The following PCDH11X variants were observed in gnomAD, a reference collection of about 807,000 sequenced individuals.
PCDH11X encodes the protein protocadherin-11 X-linked.
A neutral mutation model predicts 53.3 loss-of-function variants in PCDH11X; 18 were observed. The ratio of observed to expected loss-of-function variants is 0.34; its 90% CI spans 0.23 to 0.50. The LOEUF is 0.50. PCDH11X is among the 20% of genes least tolerant of loss of function. The pLI is 0.98. For missense variants in PCDH11X, 570 were observed against 1,032.4 expected, an observed-to-expected ratio of 0.55 and a Z score of 6.14; for synonymous variants, 279 against 393.3, an observed-to-expected ratio of 0.71 and a Z score of 3.44.
intron 10 of PCDH11X, among the ~76,000 whole-genome samples, chrX:92,493,815 T>G (rs1326306682): frequency 9.4e-6 from 1 of 105,892 alleles, no homozygotes; most frequent in East Asian, 3.0e-4. Context: ...CCAGGCTAAT[T>G]TTTTGTATTT....
intron 8 of PCDH11X, among the ~76,000 whole-genome samples, chrX:92,266,154 A>G (rs2067825606): frequency 8.9e-6 from 1 of 111,828 alleles, no homozygotes; most frequent in African/African-American, 3.2e-5. Context: ...ATAAACTTTA[A>G]ATATATTAAG....
chrX:92,534,805 G>A (rs1396251659), intron 10 of PCDH11X, among the ~76,000 whole-genome samples: 1 of 111,325 alleles, frequency 9.0e-6, no homozygotes, highest in Non-Finnish European at 1.9e-5. Context: ...GCCAAACTAA[G>A]CTTCATAAGT....
At chrX:92,014,615 G>A (rs922683467) in intron 6 of PCDH11X, among the ~76,000 whole-genome samples, 2 of 110,925 alleles carry the variant, frequency 1.8e-5, no homozygotes, top group African/African-American at 6.6e-5. Context: ...ATTCACAATA[G>A]CAAAGACTTG....
intron 6 of PCDH11X, among the ~76,000 whole-genome samples, chrX:92,091,240 T>C (rs1168447938): frequency 1.8e-5 from 2 of 111,028 alleles, no homozygotes; most frequent in Non-Finnish European, 3.8e-5. Context: ...ACTATTACTT[T>C]TGAACCAACC....
At chrX:92,011,606 C>T in intron 6 of PCDH11X, among the ~76,000 whole-genome samples, 2 of 111,203 alleles carry the variant, frequency 1.8e-5, no homozygotes, top group East Asian at 5.7e-4. Flanking sequence ...TGTTTATGGC[C>T]TTGAACGATT....
At chrX:92,271,048 TTAAGA>T (rs1420131425) in intron 8 of PCDH11X, among the ~76,000 whole-genome samples, 1 of 111,651 alleles carries the variant, frequency 9.0e-6, no homozygotes, top group African/African-American at 3.3e-5. Context: ...AAAGGTGCAG[TTAAGA>T]TAAGATAGCC....
At chrX:92,003,266 T>C (rs1417354985) in intron 6 of PCDH11X, among the ~76,000 whole-genome samples, 1 of 101,575 alleles carries the variant, frequency 9.8e-6, no homozygotes, top group Non-Finnish European at 2.0e-5. Flanking sequence ...TCGAATGTAT[T>C]GTTGATTTTA....
rs1928411846 is a variant in PCDH11X, at chrX:92,620,572, G to T, written c.*1632G>T. 9.0e-6 allele frequency: 1 copy of T among 110,939 alleles called. No individual in the cohort carries two copies. The highest frequency in any genetic ancestry group is 1.9e-5 in the Non-Finnish European group (1 of 52,848). 9.1% of individuals were successfully genotyped at this position (110,939 alleles called of 1,213,427 possible). A position where few individuals can be genotyped will look rare whatever the true frequency, so the allele number is the denominator to read the frequency against. The stretch of plus-strand genomic sequence containing the variant: ...GATATTTAATTTATGATTAAACTGT[G>T]TGTAAATTTTGTAACATAAACTGTG... On this transcript the variant is annotated 3_prime_UTR_variant, in exon 11 of 11. Transcript: ENST00000682573.
At chrX:91,933,777 G>T (rs1309151102) in intron 6 of PCDH11X, among the ~76,000 whole-genome samples, 3 of 111,222 alleles carry the variant, frequency 2.7e-5, no homozygotes, top group African/African-American at 9.8e-5. Flanking sequence ...TTGGTGTGAA[G>T]AAATTAATAT....
intron 10 of PCDH11X, among the ~76,000 whole-genome samples, chrX:92,491,515 A>T (rs2073766307): frequency 9.0e-6 from 1 of 110,821 alleles, no homozygotes; most frequent in Admixed American, 9.7e-5. Context: ...TAGTAAAAAG[A>T]TCACTACAGT....
chrX:92,415,511 C>A (rs1467590748), intron 9 of PCDH11X, among the ~76,000 whole-genome samples: 1 of 110,718 alleles, frequency 9.0e-6, no homozygotes, highest in Non-Finnish European at 1.9e-5. Context: ...GTATATCTCG[C>A]AAAAAATAGT....
intron 6 of PCDH11X, among the ~76,000 whole-genome samples, chrX:91,968,125 C>A (rs2061893284): frequency 9.0e-6 from 1 of 111,687 alleles, no homozygotes; most frequent in Non-Finnish European, 1.9e-5. Context: ...TTTTAAGAAT[C>A]AACTCTTCAC....
intron 6 of PCDH11X, among the ~76,000 whole-genome samples, chrX:92,171,661 T>C (rs986717496): frequency 2.7e-5 from 3 of 110,292 alleles, no homozygotes; most frequent in African/African-American, 9.9e-5. Context: ...GGTTTCACCA[T>C]GTTGGCCAAG....
At chrX:92,276,724 T>G (rs777323786) in intron 8 of PCDH11X, among the ~76,000 whole-genome samples, 2 of 111,565 alleles carry the variant, frequency 1.8e-5, no homozygotes, top group South Asian at 7.6e-4. Flanking sequence ...AGATTCTAAT[T>G]TTTGGAGTTT....
intron 6 of PCDH11X, chrX:91,883,117 C>T: frequency 1.0e-6 from 1 of 1,001,382 alleles, no homozygotes; most frequent in Non-Finnish European, 1.3e-6. Context: ...CTTTCTTTAG[C>T]TGTAATCTGG....
intron 10 of PCDH11X, among the ~76,000 whole-genome samples, chrX:92,493,695 G>A (rs2073808748): frequency 1.0e-5 from 1 of 98,603 alleles, no homozygotes; most frequent in Non-Finnish European, 2.0e-5. Flanking sequence ...CACCCAGGCT[G>A]GAGTGCAATG....
chrX:92,313,548 G>T (rs1196663111), intron 8 of PCDH11X, among the ~76,000 whole-genome samples: 2 of 109,460 alleles, frequency 1.8e-5, no homozygotes, highest in Admixed American at 9.8e-5. Context: ...ACTGACACAC[G>T]CCCAGTAGTG....
intron 5 of PCDH11X, among the ~76,000 whole-genome samples, chrX:91,845,073 T>G (rs1156319048): frequency 8.9e-6 from 1 of 111,850 alleles, no homozygotes; most frequent in Non-Finnish European, 1.9e-5. Flanking sequence ...TTTAAGTCAC[T>G]GAATGATTAT....
chrX:91,833,927 G>A (rs986502444), intron 4 of PCDH11X, among the ~76,000 whole-genome samples: 53 of 110,952 alleles, frequency 4.8e-4, no homozygotes, highest in South Asian at 1.5e-3. Context: ...TGATGTTATC[G>A]ATTACCAATA....
Sources: gnomAD v4.1 joint callset for allele counts (sites outside exome capture counted in the v4.1 genomes callset) on GRCh38, gnomAD v4.1.1 for gene constraint, MANE v1.5 for transcripts, NCBI Gene and HGNC (gene_info 2026-07-23, HGNC 2026-07-21) for gene names.